Variants in SORBS3 observed in about 807,000 individuals in gnomAD.
The protein encoded by SORBS3 is sorbin and SH3 domain containing 3, also known as vinexin.
In SORBS3, 69 loss-of-function variants were observed where a neutral mutation model predicts 98.0. The observed-to-expected ratio is 0.70, with a 90% CI of 0.58 to 0.86. SORBS3 has a LOEUF of 0.86. Ranked by LOEUF, SORBS3 falls within the 40% of genes least tolerant of loss-of-function variation. SORBS3 has a pLI of 0.00. For synonymous variants in SORBS3, 394 were observed against 355.4 expected (o/e 1.11, Z -1.22); for missense variants, 954 against 908.5 (o/e 1.05, Z -0.64).
intron 20 of SORBS3, among the ~76,000 whole-genome samples, chr8:22,574,187 C>T (rs1459537585): frequency 2.6e-5 from 4 of 152,206 alleles, no homozygotes; most frequent in African/African-American, 9.7e-5. Context: ...CCCTCCTCCT[C>T]TTCAAGACAC....
chr8:22,565,830 C>T lies in SORBS3; in HGVS notation c.908C>T (p.Ser303Leu), dbSNP rs940720429. Reference sequence around the variant, plus strand: ...TTGCGCCGTTTCCCCGCGCAGAGCTCGCCGGCGCCCCGACGGGCCCCGGAG... The same window carrying T: ...TTGCGCCGTTTCCCCGCGCAGAGCTTGCCGGCGCCCCGACGGGCCCCGGAG... ...IETRLPSPKS[S>L]PAPRRAPEQR... The change falls in exon 12 of 21, where the codon TCG (serine) becomes TTG (leucine). Residue 303 changes from serine to leucine, a missense_variant. Coordinates refer to ENST00000240123, the MANE Select transcript of SORBS3 (RefSeq NM_005775.5). 188 of 1,304,558 alleles carry T rather than the reference C, an allele frequency of 1.4e-4. No homozygotes were observed. In the African/African-American group the frequency reaches 2.6e-3, roughly 18 times the overall value. The allele number at this position is 1,304,558 out of a possible 1,614,324, so 80.8% of individuals were successfully genotyped here. A position where few individuals can be genotyped will look rare whatever the true frequency, so the allele number is the denominator to read the frequency against.
In SORBS3 at chr8:22,571,080, C is replaced by G. The variant is rs200980203; in HGVS notation, c.1602C>G (p.Thr534=). 3 of 1,611,998 alleles carry G rather than the reference C, an allele frequency of 1.9e-6. No individual in the cohort carries two copies. The highest frequency in any genetic ancestry group is 2.2e-5 in the South Asian group (2 of 91,020). Reference sequence around the variant, plus strand: ...AGCTCCCCACGTCTCCCCGCCTGACCGCTGCCGCCCGCTCAGCCCGTCACC... The same window carrying G: ...AGCTCCCCACGTCTCCCCGCCTGACGGCTGCCGCCCGCTCAGCCCGTCACC... ...GPQLPTSPRL[T]AAARSARHPS... Residue 534 remains threonine, a synonymous_variant, in exon 18 of 21, where the codon ACC becomes ACG. Coordinates refer to ENST00000240123, the MANE Select transcript of SORBS3 (RefSeq NM_005775.5).
intron 10 of SORBS3, 193 bp from the exon 11 acceptor site, chr8:22,565,075 T>G (rs1293908530): frequency 7.0e-7 from 1 of 1,432,340 alleles, no homozygotes; most frequent in Non-Finnish European, 9.1e-7. Context: ...GCTGGGCAGG[T>G]GAGAGGCCGT....
rs577125807 is a variant in SORBS3 at position 22,574,171 on chromosome 8, T to TC, written c.1955-488dup. ...CCCCAGATGCTTTGCCCGCTGGGGT[T>TC]CCCCCCCCTCCTCCTCTTCAAGACA... On this transcript the variant is annotated intron_variant, in intron 20 of 20. Coordinates refer to ENST00000240123, the MANE Select transcript of SORBS3 (RefSeq NM_005775.5). 1.9e-3 allele frequency among the ~76,000 whole-genome samples: 265 copies of TC among 138,128 alleles called. 5 individuals are homozygous for TC. In the East Asian group the frequency reaches 0.039, roughly 20 times the overall value. 90.6% of individuals were successfully genotyped at this position (138,128 alleles called of 152,430 possible). A position where few individuals can be genotyped will look rare whatever the true frequency, so the allele number is the denominator to read the frequency against.
chr8:22,565,207 C>G, intron 10 of SORBS3, 61 bp from the exon 11 acceptor site: 1 of 1,490,436 alleles, frequency 6.7e-7, no homozygotes, highest in Admixed American at 2.0e-5. Context: ...CGATCTTTGA[C>G]CGCTGCCTCC....
upstream of SORBS3, among the ~76,000 whole-genome samples, chr8:22,551,390 C>A (rs1168167752): frequency 6.6e-6 from 1 of 152,134 alleles, no homozygotes; most frequent in African/African-American, 2.4e-5. The surrounding 1 kb of genome is among the most constrained non-coding windows in gnomAD (Gnocchi z 5.8). Context: ...CCGGCCTGTC[C>A]GTCTCTCCCG....
At chr8:22,550,831 C>T (rs549025280), upstream of SORBS3, among the ~76,000 whole-genome samples, 10 of 152,324 alleles carry the variant, frequency 6.6e-5, no homozygotes, top group Admixed American at 5.2e-4. Flanking sequence ...TGATCAGTAA[C>T]TGTTGGTTGG....
intron 16 of SORBS3, among the ~76,000 whole-genome samples, chr8:22,568,792 T>C (rs1840490605): frequency 6.6e-6 from 1 of 152,172 alleles, no homozygotes; most frequent in South Asian, 2.1e-4. Flanking sequence ...TTTGGAACAG[T>C]TCCCCAAGTT....
At chr8:22,565,661 T>A in intron 11 of SORBS3, 165 bp from the exon 12 acceptor site, 1 of 1,176,044 alleles carries the variant, frequency 8.5e-7, no homozygotes, top group Non-Finnish European at 1.1e-6. Flanking sequence ...CCCCTTCCCC[T>A]AGTTCCCGCC....
chr8:22,551,082 AAC>A (rs1301077662), upstream of SORBS3, among the ~76,000 whole-genome samples: 2 of 152,174 alleles, frequency 1.3e-5, no homozygotes, highest in Non-Finnish European at 2.9e-5. This position sits in a 1 kb window ranked among gnomAD's most constrained non-coding sequence, Gnocchi z 5.8. Context: ...GATCAAAACA[AAC>A]ACAGTGTCTG....
rs710098 is a variant in SORBS3, at chr8:22,574,864, C to A, written c.*136C>A. On this transcript the variant is annotated 3_prime_UTR_variant, in exon 21 of 21. Transcript: ENST00000240123. ...AGCATCTGCAGACGACCCCCGCAGC[C>A]TTTCCCTCGGACCCCCCTCGAAGCC... 388,420 of 828,222 alleles carry A rather than the reference C, an allele frequency of 0.47. 95,403 individuals are homozygous for A. The highest frequency in any genetic ancestry group is 0.52 in the South Asian group (38,105 of 73,692). The allele number at this position is 828,222 out of a possible 1,614,324, so 51.3% of individuals were successfully genotyped here.
chr8:22,551,578 A>T, upstream of SORBS3: 1 of 225,152 alleles, frequency 4.4e-6, no homozygotes, highest in Non-Finnish European at 7.4e-6. This position sits in a 1 kb window ranked among gnomAD's most constrained non-coding sequence, Gnocchi z 5.8. Context: ...GCCCTGCGGT[A>T]GGGGCCGGGA....
chr8:22,573,506 G>A, intron 20 of SORBS3: 1 of 440,872 alleles, frequency 2.3e-6, no homozygotes, highest in South Asian at 1.6e-5. Context: ...AGTTGCACAG[G>A]CACATCTCAA....
rs760906030 is a variant in SORBS3, at chr8:22,574,799, AC to A, written c.*76del. The A allele has an allele frequency of 3.6e-6, 5 of 1,400,484 alleles. No individual in the cohort carries two copies. Among genetic ancestry groups the A allele is most frequent in the Admixed American group, 3.4e-5 (2 of 59,544 alleles). The allele number at this position is 1,400,484 out of a possible 1,614,324, so 86.8% of individuals were successfully genotyped here. ...CGGTGGCACTCGTGGGAGGGAGAGG[AC>A]CCCCGCCCACATCCTCCTTCCCCAG... On this transcript the variant is annotated 3_prime_UTR_variant, in exon 21 of 21. Transcript: ENST00000240123.
At chr8:22,555,667 A>T (rs1027420760) in intron 3 of SORBS3, among the ~76,000 whole-genome samples, 3 of 152,162 alleles carry the variant, frequency 2.0e-5, no homozygotes, top group African/African-American at 7.2e-5. Context: ...CCTGGCCAAC[A>T]TGGTGAAACC....
intron 4 of SORBS3, 40 bp from the exon 5 acceptor site, chr8:22,558,089 A>T: frequency 6.2e-7 from 1 of 1,604,700 alleles, no homozygotes. Context: ...TGGGAGGGTG[A>T]ATAAGCAGGG....
intron 16 of SORBS3, 147 bp downstream of exon 16, chr8:22,567,322 T>A (rs1586902723): frequency 1.6e-6 from 1 of 631,152 alleles, no homozygotes; most frequent in East Asian, 2.7e-5. Context: ...CCCACAGGGC[T>A]TGGCCCAATG....
In SORBS3 at chr8:22,574,907, C is replaced by T. The variant is rs747433591; in HGVS notation, c.*179C>T. 7 of 701,478 alleles carry T rather than the reference C, an allele frequency of 1.0e-5. No homozygotes were observed. Among genetic ancestry groups the T allele is most frequent in the African/African-American group, 8.8e-5 (5 of 57,008 alleles). The allele number at this position is 701,478 out of a possible 1,614,324, so 43.5% of individuals were successfully genotyped here. The stretch of plus-strand genomic sequence containing the variant: ...TCGAAGCCCCCTGGACTGATTCCCA[C>T]CCACGACTCACAGGCATTCCTCCCA... On this transcript the variant is annotated 3_prime_UTR_variant, in exon 21 of 21. Coordinates refer to ENST00000240123, the MANE Select transcript of SORBS3 (RefSeq NM_005775.5).
chr8:22,562,027 C>T, intron 7 of SORBS3, 96 bp downstream of exon 7: 3 of 1,196,998 alleles, frequency 2.5e-6, no homozygotes, highest in Non-Finnish European at 3.7e-6. Flanking sequence ...CCGGCACAGC[C>T]TCGGAGCCCA....
Sources: gnomAD v4.1 joint callset for allele counts (sites outside exome capture counted in the v4.1 genomes callset) on GRCh38, gnomAD v4.1.1 for gene constraint, Gnocchi (gnomAD v3.1) non-coding constraint, MANE v1.5 for transcripts, NCBI Gene and HGNC (gene_info 2026-07-23, HGNC 2026-07-21) for gene names.